Variants in HIPK2 observed in about 807,000 individuals in gnomAD.
The protein encoded by HIPK2 is homeodomain interacting protein kinase 2, also known as homeodomain-interacting protein kinase 2.
In HIPK2, 27 loss-of-function variants were observed where a neutral mutation model predicts 113.7. That is an observed-to-expected ratio of 0.24 (90% CI 0.17 to 0.33). HIPK2 has a LOEUF of 0.33. Ranked by LOEUF, HIPK2 falls within the 10% of genes least tolerant of loss-of-function variation. The pLI, the probability that HIPK2 is intolerant of heterozygous loss-of-function variation, is 1.00. For synonymous variants in HIPK2, 631 were observed against 642.2 expected (o/e 0.98, Z 0.26); for missense variants, 1,257 against 1,588.0 (o/e 0.79, Z 3.54).
At chr7:139,705,611 T>A (rs996098347) in intron 2 of HIPK2, among the ~76,000 whole-genome samples, 7 of 152,052 alleles carry the variant, frequency 4.6e-5, no homozygotes, top group African/African-American at 1.7e-4. Context: ...TCTCCTGACC[T>A]CGTGATCCGC....
chr7:139,678,734 C>G (rs752133058), intron 2 of HIPK2, among the ~76,000 whole-genome samples: 40 of 152,174 alleles, frequency 2.6e-4, no homozygotes, highest in Non-Finnish European at 4.1e-4. Flanking sequence ...AGCACTGAAT[C>G]TATAAATTAC....
rs1024305254 is a variant in HIPK2 at position 139,572,812 on chromosome 7, G to C, written c.*115C>G. On this transcript the variant is annotated 3_prime_UTR_variant, in exon 15 of 15. Transcript: ENST00000406875. ...TGCCCCGTTTGCATTGTTTGTGTGC[G>C]GCATCTTCAGTATAAAAGGCCAGCG... 1 of 509,114 alleles carries C rather than the reference G, an allele frequency of 2.0e-6. No homozygotes were observed. Among genetic ancestry groups the C allele is most frequent in the Admixed American group, 4.6e-5 (1 of 21,804 alleles). 31.5% of individuals were successfully genotyped at this position (509,114 alleles called of 1,614,324 possible).
At chr7:139,600,018 C>G (rs1799362400) in intron 11 of HIPK2, among the ~76,000 whole-genome samples, 2 of 152,154 alleles carry the variant, frequency 1.3e-5, no homozygotes, top group Non-Finnish European at 2.9e-5. Context: ...CTGTCATTAG[C>G]AAGAATCCTG....
At chr7:139,600,271 T>C (rs1430384329) in intron 11 of HIPK2, 146 bp downstream of exon 11, 3 of 931,504 alleles carry the variant, frequency 3.2e-6, no homozygotes, top group East Asian at 5.3e-5. Context: ...ACAGGATGTT[T>C]TGCTAGTCAC....
intron 7 of HIPK2, among the ~76,000 whole-genome samples, chr7:139,617,032 T>C (rs1800073949): frequency 6.6e-6 from 1 of 152,198 alleles, no homozygotes; most frequent in South Asian, 2.1e-4. Context: ...CCATCAGACA[T>C]GCATAAGGTT....
chr7:139,651,091 G>T (rs73156870), intron 2 of HIPK2, among the ~76,000 whole-genome samples: 8,201 of 152,298 alleles, frequency 0.054, 281 homozygotes, highest in African/African-American at 0.097. Flanking sequence ...ACGCAGAGAA[G>T]CTCTGGATTT....
chr7:139,750,688 T>C (rs151103193), intron 1 of HIPK2, among the ~76,000 whole-genome samples: 17 of 152,342 alleles, frequency 1.1e-4, no homozygotes, highest in Non-Finnish European at 2.2e-4. Flanking sequence ...ATGTTAGGCC[T>C]TGAGCTTCCA....
rs1585214729 is a variant in HIPK2 at position 139,566,154 on chromosome 7, T to C, written c.*6773A>G. Reference sequence around the variant, plus strand: ...AAATCCAACTCAGGAGCCCCCTCTTTGCACAGTCCTTTAGCTGAGTCCCAC... The same window carrying C: ...AAATCCAACTCAGGAGCCCCCTCTTCGCACAGTCCTTTAGCTGAGTCCCAC... On this transcript the variant is annotated 3_prime_UTR_variant, in exon 15 of 15. Coordinates refer to ENST00000406875, the MANE Select transcript of HIPK2 (RefSeq NM_022740.5). The surrounding 1 kb of genome is among the most constrained non-coding windows in gnomAD (Gnocchi z 4.1). 1 of 152,214 alleles carries C rather than the reference T, an allele frequency of 6.6e-6. No individual in the cohort carries two copies. Among genetic ancestry groups the C allele is most frequent in the African/African-American group, 2.4e-5 (1 of 41,464 alleles). The allele number at this position is 152,214 out of a possible 1,614,324, so 9.4% of individuals were successfully genotyped here. A position where few individuals can be genotyped will look rare whatever the true frequency, so the allele number is the denominator to read the frequency against.
chr7:139,606,197 A>G (rs1799610381), intron 9 of HIPK2, among the ~76,000 whole-genome samples: 2 of 152,256 alleles, frequency 1.3e-5, no homozygotes, highest in Admixed American at 6.5e-5. Flanking sequence ...ACAAGAATGA[A>G]GTGAACATTT....
chr7:139,677,565 C>G (rs1191435656), intron 2 of HIPK2, among the ~76,000 whole-genome samples: 3 of 152,052 alleles, frequency 2.0e-5, no homozygotes, highest in Admixed American at 2.0e-4. Flanking sequence ...CTACATGAAG[C>G]CACTTTTCTA....
rs188344234 is a variant in HIPK2, at chr7:139,687,116, T to C, written c.1103+28816A>G. Among the ~76,000 whole-genome samples, 350 of 152,354 alleles carry C rather than the reference T, an allele frequency of 2.3e-3. 2 individuals carry two copies. Among genetic ancestry groups the C allele is most frequent in the Admixed American group, 4.1e-3 (62 of 15,308 alleles). ...TATTTTATTCATTCATTCATTCATT[T>C]ATTTATTTAAAAATGATGTCTTGCT... On this transcript the variant is annotated intron_variant, in intron 2 of 14. Transcript: ENST00000406875.
intron 1 of HIPK2, among the ~76,000 whole-genome samples, chr7:139,763,465 G>A (rs1011018): frequency 0.3 from 39,612 of 134,166 alleles, 7,749 homozygotes; most frequent in African/African-American, 0.54. Flanking sequence ...AGATTTTGCC[G>A]GAACACGCCC....
At chr7:139,675,928 CT>C (rs1802480847) in intron 2 of HIPK2, among the ~76,000 whole-genome samples, 1 of 152,174 alleles carries the variant, frequency 6.6e-6, no homozygotes, top group Non-Finnish European at 1.5e-5. Context: ...TACTTGGTCC[CT>C]TTCCCAAAAG....
intron 14 of HIPK2, among the ~76,000 whole-genome samples, chr7:139,573,754 A>C (rs1219290799): frequency 6.6e-6 from 1 of 151,928 alleles, no homozygotes; most frequent in Non-Finnish European, 1.5e-5. Context: ...GGGCTGAGGC[A>C]CAAGAATCAC....
rs867979558 is a variant in HIPK2 at position 139,671,942 on chromosome 7, C to T, written c.1104-40217G>A. On this transcript the variant is annotated intron_variant, in intron 2 of 14. Coordinates refer to ENST00000406875, the MANE Select transcript of HIPK2 (RefSeq NM_022740.5). ...TGAATGTGATAGTTCAGATTCAAGG[C>T]AAAGAATTTTTTAATTCCTCCCATT... Among the ~76,000 whole-genome samples the T allele has an allele frequency of 2.0e-5, 3 of 152,170 alleles. No homozygotes were observed. The East Asian group carries it at 5.8e-4, about 29-fold the overall frequency.
Position 139,631,632 on chromosome 7 carries a change from C to A in HIPK2, c.1197G>T (p.Pro399=), listed in dbSNP as rs761220911. The A allele has an allele frequency of 5.0e-6, 8 of 1,614,004 alleles. No homozygotes were observed. Among genetic ancestry groups the A allele is most frequent in the Non-Finnish European group, 6.8e-6 (8 of 1,179,876 alleles). The change falls in exon 3 of 15, where the codon CCG becomes CCT. Residue 399 remains proline (P), a synonymous_variant. Transcript: ENST00000406875. The surrounding 1 kb of genome is among the most constrained non-coding windows in gnomAD (Gnocchi z 4.9). ...CATACTCCGAAGCTCCTGGATATAA[C>A]GGCCAACCCAGGAACAATTCTGCAA... ...CVIAELFLGW[P]LYPGASEYDQ...
chr7:139,680,754 C>A (rs1802671110), intron 2 of HIPK2, among the ~76,000 whole-genome samples: 1 of 152,254 alleles, frequency 6.6e-6, no homozygotes, highest in Non-Finnish European at 1.5e-5. Flanking sequence ...ACATGAAGAG[C>A]ACAGCCCACT....
chr7:139,733,260 T>G (rs1014155239), intron 1 of HIPK2, among the ~76,000 whole-genome samples: 1 of 152,214 alleles, frequency 6.6e-6, no homozygotes, highest in Non-Finnish European at 1.5e-5. Flanking sequence ...TATTTCTTTA[T>G]AGCAATGCAA....
intron 1 of HIPK2, among the ~76,000 whole-genome samples, chr7:139,760,148 A>G (rs1585461649): frequency 6.6e-6 from 1 of 151,830 alleles, no homozygotes; most frequent in East Asian, 1.9e-4. Context: ...GACTACAGGC[A>G]CCCGCCACCA....
Sources: allele counts gnomAD v4.1 joint callset (sites outside exome capture counted in the v4.1 genomes callset), GRCh38; gene constraint gnomAD v4.1.1; non-coding constraint Gnocchi (gnomAD v3.1); transcripts MANE v1.5; gene names NCBI Gene and HGNC (gene_info 2026-07-23, HGNC 2026-07-21).